EP300: variants seen among roughly 807,000 people sequenced by gnomAD.
The protein encoded by EP300 is histone acetyltransferase p300.
In EP300, 31 loss-of-function variants were observed where a neutral mutation model predicts 264.0. That is an observed-to-expected ratio of 0.12 (90% CI 0.09 to 0.16). The LOEUF (loss-of-function observed/expected upper bound fraction) is 0.16. EP300 is among the 10% of genes least tolerant of loss of function. EP300 has a pLI of 1.00. For synonymous variants in EP300, 1,340 were observed against 1,045.4 expected (o/e 1.28, Z -5.44); for missense variants, 2,766 against 3,052.9 (o/e 0.91, Z 2.21).
chr22:41,154,788 C>T (rs1188436484), intron 16 of EP300, among the ~76,000 whole-genome samples: 1 of 152,100 alleles, frequency 6.6e-6, no homozygotes, highest in African/African-American at 2.4e-5. Flanking sequence ...GGTGATAAGA[C>T]ACAATGTTTT....
Position 41,147,900 on chromosome 22 carries a change from C to T in EP300, c.2195C>T (p.Pro732Leu), listed in dbSNP as rs910443361. The T allele has an allele frequency of 1.2e-6, 2 of 1,614,030 alleles. No individual in the cohort carries two copies. Among genetic ancestry groups the T allele is most frequent in the African/African-American group, 1.3e-5 (1 of 74,928 alleles). ...QPPIVPRQTP[P>L]LQHHGQLAQP... ...CCTATTGTACCCCGGCAAACCCCTC[C>T]TCTTCAGCACCATGGACAGTTGGCT... is the stretch of plus-strand genomic sequence containing the variant. The change falls in exon 12 of 31, where the codon CCT becomes CTT. Residue 732 changes from proline to leucine, a missense_variant. Pro to Leu is a moderately conservative substitution (Grantham distance 98). Transcript: ENST00000263253.
rs1161685584 is a variant in EP300, at chr22:41,179,763, A to G, written c.*807A>G. 1 of 231,452 alleles carries G rather than the reference A, an allele frequency of 4.3e-6. No individual in the cohort carries two copies. The highest frequency in any genetic ancestry group is 8.6e-6 in the Non-Finnish European group (1 of 116,920). The allele number at this position is 231,452 out of a possible 1,614,324, so 14.3% of individuals were successfully genotyped here. ...TTTTTCGTTATTTTTACATCTAACA[A>G]AGTAAAAAAATTAAAAAGAGGGTAA... On this transcript the variant is annotated 3_prime_UTR_variant, in exon 31 of 31. Coordinates refer to ENST00000263253, the MANE Select transcript of EP300 (RefSeq NM_001429.4).
At chr22:41,093,759 A>C (rs1446582130) in intron 1 of EP300, among the ~76,000 whole-genome samples, 1 of 152,184 alleles carries the variant, frequency 6.6e-6, no homozygotes, top group Non-Finnish European at 1.5e-5. Context: ...AAAATGTCTG[A>C]AACTCTGGGT....
intron 28 of EP300, 144 bp downstream of exon 28, chr22:41,172,807 G>T (rs2059178399): frequency 1.2e-6 from 1 of 863,842 alleles, no homozygotes; most frequent in Non-Finnish European, 1.8e-6. Flanking sequence ...GCTTAGAGAG[G>T]TTATTAGGGT....
At chr22:41,166,804 G>T in intron 23 of EP300, 138 bp downstream of exon 23, 3 of 564,574 alleles carry the variant, frequency 5.3e-6, no homozygotes, top group South Asian at 5.7e-5. Flanking sequence ...CCTTATAGTT[G>T]ATCTGTAATA....
Position 41,168,114 on chromosome 22 carries a change from A to G in EP300, c.3875-335A>G, listed in dbSNP as rs1171921788. ...TGGGATTACAGGCATGAGCTACCGCACCCGGCCCCTGTTCTGTATTTTTAT... is the reference window on the plus strand; with the variant it reads ...TGGGATTACAGGCATGAGCTACCGCGCCCGGCCCCTGTTCTGTATTTTTAT... On this transcript the variant is annotated intron_variant, in intron 23 of 30. Coordinates refer to ENST00000263253, the MANE Select transcript of EP300 (RefSeq NM_001429.4). The G allele has an allele frequency of 4.8e-5, 17 of 353,492 alleles. No homozygotes were observed. In the East Asian group the frequency reaches 7.5e-4, roughly 16 times the overall value. 21.9% of individuals were successfully genotyped at this position (353,492 alleles called of 1,614,324 possible).
At chr22:41,165,145 C>T (rs2059127371) in intron 22 of EP300, among the ~76,000 whole-genome samples, 1 of 152,138 alleles carries the variant, frequency 6.6e-6, no homozygotes, top group Non-Finnish European at 1.5e-5. Context: ...TGTGACTTGT[C>T]TTTTAAGTGT....
intron 8 of EP300, 22 bp from the exon 9 acceptor site, chr22:41,140,118 T>A: frequency 6.7e-7 from 1 of 1,503,160 alleles, no homozygotes; most frequent in South Asian, 1.1e-5. Context: ...GATATTACAG[T>A]GGTAGGATTT....
chr22:41,119,622 G>A, intron 2 of EP300, among the ~76,000 whole-genome samples: 1 of 152,018 alleles, frequency 6.6e-6, no homozygotes, highest in East Asian at 1.9e-4. Flanking sequence ...TAAGTGCTAT[G>A]GAGAAAAATA....
intron 1 of EP300, among the ~76,000 whole-genome samples, chr22:41,096,187 C>T (rs1249400938): frequency 6.6e-6 from 1 of 151,970 alleles, no homozygotes; most frequent in Non-Finnish European, 1.5e-5. Flanking sequence ...ATGAAAGCCA[C>T]TTGTAAACTT....
chr22:41,123,003 T>C (rs2058861076), intron 2 of EP300, among the ~76,000 whole-genome samples: 2 of 152,158 alleles, frequency 1.3e-5, no homozygotes. Context: ...GCAACTGCAC[T>C]CCAACCTAGG....
rs775978660 is a variant in EP300 at position 41,117,371 on chromosome 22, C to G, written c.279C>G (p.Leu93=). The change falls in exon 2 of 31, where the codon CTC becomes CTG. Residue 93 remains leucine, a synonymous_variant. Coordinates refer to ENST00000263253, the MANE Select transcript of EP300 (RefSeq NM_001429.4). ...ELLRSGSSPN[L]NMGVGGPGQV... ...TGCGATCTGGTAGTTCCCCTAACCT[C>G]AATATGGGAGTTGGTGGCCCAGGTC... 1.2e-6 allele frequency: 2 copies of G among 1,614,194 alleles called. No homozygotes were observed. The highest frequency in any genetic ancestry group is 1.7e-6 in the Non-Finnish European group (2 of 1,180,034).
intron 1 of EP300, among the ~76,000 whole-genome samples, chr22:41,100,617 C>T (rs1204177977): frequency 6.6e-6 from 1 of 152,092 alleles, no homozygotes; most frequent in Non-Finnish European, 1.5e-5. Flanking sequence ...TGTCATTATT[C>T]CCTAAACAAT....
Position 41,179,540 on chromosome 22 carries a change from A to G in EP300, c.*584A>G, listed in dbSNP as rs1299909814. ...ATTCTTTTAAAAAATGTTTAAAAAA[A>G]AAAAAAAACTGCCTTTCTTCCCCTC... On this transcript the variant is annotated 3_prime_UTR_variant, in exon 31 of 31. Transcript: ENST00000263253. The G allele has an allele frequency of 1.6e-5, 3 of 190,070 alleles. No homozygotes were observed. Among genetic ancestry groups the G allele is most frequent in the African/African-American group, 2.4e-5 (1 of 42,534 alleles). 11.8% of individuals were successfully genotyped at this position (190,070 alleles called of 1,614,324 possible).
rs2145518700 is a variant in EP300, at chr22:41,177,673, G to A, written c.5962G>A (p.Gly1988Arg). ...TTTGGAGCCAGGGATGGGACCGACA[G>A]GGATGCAGCAACAGCCACCCTGGAG... The part of the protein sequence containing the change: ...GHLEPGMGPT[G>R]MQQQPPWSQG... Residue 1988 changes from glycine to arginine, a missense_variant, in exon 31 of 31, where the codon GGG (glycine) becomes AGG (arginine). Transcript: ENST00000263253. 6.2e-7 allele frequency: 1 copy of A among 1,613,960 alleles called. No homozygotes were observed. The highest frequency in any genetic ancestry group is 8.5e-7 in the Non-Finnish European group (1 of 1,180,028).
rs146822020 is a variant in EP300 at position 41,171,716 on chromosome 22, A to G, written c.4453-783A>G. Among the ~76,000 whole-genome samples the G allele has an allele frequency of 8.2e-3, 1,232 of 150,360 alleles. 10 individuals are homozygous for G. The highest frequency in any genetic ancestry group is 0.024 in the Middle Eastern group (7 of 292). On this transcript the variant is annotated intron_variant, in intron 27 of 30. Transcript: ENST00000263253. ...TGGTGCAGTCTCCTGGGTTCAAGTG[A>G]TGGTCCTACCTCAGCCTCCCGAGTA...
At chr22:41,099,765 A>T (rs2058721093) in intron 1 of EP300, among the ~76,000 whole-genome samples, 1 of 152,214 alleles carries the variant, frequency 6.6e-6, no homozygotes, top group Admixed American at 6.5e-5. Context: ...GGGTTACTTA[A>T]AACTCAAGCA....
Position 41,092,717 on chromosome 22 carries a change from C to A in EP300, c.-288C>A. On this transcript the variant is annotated 5_prime_UTR_variant, in exon 1 of 31. Transcript: ENST00000263253. ...CTGCGCCTCTAGAGCCGCGAGTTCTCGGGAATTCGCCGCAGCGGACGCGCT... is the reference window on the plus strand; with the variant it reads ...CTGCGCCTCTAGAGCCGCGAGTTCTAGGGAATTCGCCGCAGCGGACGCGCT... 1 of 614,262 alleles carries A rather than the reference C, an allele frequency of 1.6e-6. No homozygotes were observed. The allele number at this position is 614,262 out of a possible 1,614,324, so 38.1% of individuals were successfully genotyped here.
intron 1 of EP300, among the ~76,000 whole-genome samples, chr22:41,105,198 G>GGA (rs1569083994): frequency 1.6e-5 from 1 of 60,938 alleles, no homozygotes; most frequent in Non-Finnish European, 2.8e-5. Context: ...CTCCATCTCA[G>GGA]AAAAAAAAAA....
Sources: allele counts gnomAD v4.1 joint callset (sites outside exome capture counted in the v4.1 genomes callset), GRCh38; gene constraint gnomAD v4.1.1; transcripts MANE v1.5; gene names NCBI Gene and HGNC (gene_info 2026-07-23, HGNC 2026-07-21).